PRKN: variants seen among roughly 807,000 people sequenced by gnomAD.
PRKN encodes parkin RBR E3 ubiquitin protein ligase.
Under a neutral mutation model 59.5 loss-of-function variants are expected in PRKN, and 56 were observed. That is an observed-to-expected ratio of 0.94 (90% CI 0.76 to 1.18). The LOEUF (loss-of-function observed/expected upper bound fraction) is 1.18, where lower values mean the gene tolerates loss of function less well. Ranked by LOEUF, PRKN falls within the 50% of genes most tolerant of loss-of-function variation. The pLI is 0.00. For synonymous variants in PRKN, 250 were observed against 222.1 expected, an observed-to-expected ratio of 1.13 and a Z score of -1.12; for missense variants, 657 against 596.4, an observed-to-expected ratio of 1.10 and a Z score of -1.06.
At chr6:162,563,425 C>T (rs1243898568) in intron 1 of PRKN, among the ~76,000 whole-genome samples, 1 of 152,200 alleles carries the variant, frequency 6.6e-6, no homozygotes, top group African/African-American at 2.4e-5. Flanking sequence ...AAAGCAGCAC[C>T]TCTATGAGTC....
Position 161,369,360 on chromosome 6 carries a change from C to A in PRKN, c.1168-9155G>T, listed in dbSNP as rs143235417. ...TCCCTAAAAATGCCCTAAGGGGTTG[C>A]GAGGGGCGGGAGGTTTGGGAACCAT... On this transcript the variant is annotated intron_variant, in intron 10 of 11. Coordinates refer to ENST00000366898, the MANE Select transcript of PRKN (RefSeq NM_004562.3). This position sits in a 1 kb window ranked among gnomAD's most constrained non-coding sequence, Gnocchi z 5.8. 6.6e-6 allele frequency among the ~76,000 whole-genome samples: 1 copy of A among 152,156 alleles called. No individual in the cohort carries two copies. The highest frequency in any genetic ancestry group is 6.5e-5 in the Admixed American group (1 of 15,292).
intron 1 of PRKN, among the ~76,000 whole-genome samples, chr6:162,635,162 G>C (rs1452601737): frequency 1.3e-5 from 2 of 152,152 alleles, no homozygotes; most frequent in African/African-American, 4.8e-5. Context: ...ACACACAACA[G>C]CTCACGGGGT....
chr6:161,807,644 C>T (rs1052390585), intron 6 of PRKN, among the ~76,000 whole-genome samples: 71 of 152,150 alleles, frequency 4.7e-4, no homozygotes, highest in Non-Finnish European at 2.1e-4. Flanking sequence ...CTTGGAGATG[C>T]CTCCCTCCAG....
intron 4 of PRKN, among the ~76,000 whole-genome samples, chr6:162,094,879 C>G (rs541756516): frequency 1.1e-4 from 17 of 152,150 alleles, no homozygotes; most frequent in African/African-American, 4.1e-4. Context: ...CATTATGAAG[C>G]CTTCTATTTT....
chr6:162,194,744 C>G (rs1419851670), intron 4 of PRKN, among the ~76,000 whole-genome samples: 1 of 151,732 alleles, frequency 6.6e-6, no homozygotes, highest in Admixed American at 6.6e-5. Flanking sequence ...TTTATTTTTA[C>G]CTTAACCTGG....
chr6:162,075,531 C>CA (rs1472369466), intron 4 of PRKN, among the ~76,000 whole-genome samples: 1 of 152,006 alleles, frequency 6.6e-6, no homozygotes, highest in African/African-American at 2.4e-5. Context: ...AAAAAGTCCA[C>CA]ATTGTATTTA....
chr6:161,488,142 G>T lies in PRKN; in HGVS notation c.1083+60712C>A, dbSNP rs79913097. On this transcript the variant is annotated intron_variant, in intron 9 of 11. Transcript: ENST00000366898. This position sits in a 1 kb window ranked among gnomAD's most constrained non-coding sequence, Gnocchi z 4.5. Reference sequence around the variant, plus strand: ...TCTAAGCAGGCCTCTCCTGGGAGGGGACACCTGTTTAGAGGGCTAAATGAA... The same window carrying T: ...TCTAAGCAGGCCTCTCCTGGGAGGGTACACCTGTTTAGAGGGCTAAATGAA... 6.6e-5 allele frequency among the ~76,000 whole-genome samples: 10 copies of T among 152,302 alleles called. No homozygotes were observed. The East Asian group carries it at 1.9e-3, about 29-fold the overall frequency.
intron 1 of PRKN, among the ~76,000 whole-genome samples, chr6:162,691,892 C>T (rs1334444944): frequency 6.6e-6 from 1 of 151,936 alleles, no homozygotes; most frequent in African/African-American, 2.4e-5. Flanking sequence ...ATACGTTGGG[C>T]TATTTCAATG....
At chr6:161,963,026 C>T (rs569200622) in intron 6 of PRKN, among the ~76,000 whole-genome samples, 1 of 152,194 alleles carries the variant, frequency 6.6e-6, no homozygotes, top group East Asian at 2.0e-4. Context: ...GCCTTTAATC[C>T]CAGCTACTCA....
At chr6:162,223,697 C>T (rs1477797566) in intron 3 of PRKN, among the ~76,000 whole-genome samples, 1 of 150,196 alleles carries the variant, frequency 6.7e-6, no homozygotes, top group Admixed American at 6.6e-5. Flanking sequence ...GTATACCTTT[C>T]TACAAATACA....
chr6:162,262,477 T>TAAAC lies in PRKN; in HGVS notation c.412+44_412+47dup, dbSNP rs754927639. 13 of 1,612,342 alleles carry TAAAC rather than the reference T, an allele frequency of 8.1e-6. No homozygotes were observed. The East Asian group carries it at 1.1e-4, about 14-fold the overall frequency. The stretch of plus-strand genomic sequence containing the variant: ...AGGCCATGCTCCATGCAGACTGCAC[T>TAAAC]AAACAAACAAACAAAATGCTTTAAT... On this transcript the variant is annotated intron_variant, in intron 3 of 11. Coordinates refer to ENST00000366898, the MANE Select transcript of PRKN (RefSeq NM_004562.3).
intron 9 of PRKN, among the ~76,000 whole-genome samples, chr6:161,535,387 A>C (rs1779375697): frequency 6.6e-6 from 1 of 152,246 alleles, no homozygotes; most frequent in African/African-American, 2.4e-5. Flanking sequence ...TCATGCCAGA[A>C]GACTTTTTTC....
chr6:161,799,528 A>G (rs1305086818), intron 6 of PRKN, among the ~76,000 whole-genome samples: 1 of 152,242 alleles, frequency 6.6e-6, no homozygotes, highest in East Asian at 1.9e-4. Flanking sequence ...CGACTTCCAC[A>G]TAATGGAAAG....
Position 161,419,699 on chromosome 6 carries a change from T to C in PRKN, c.1084-32822A>G, listed in dbSNP as rs1055505569. 6.6e-6 allele frequency among the ~76,000 whole-genome samples: 1 copy of C among 151,926 alleles called. No homozygotes were observed. The highest frequency in any genetic ancestry group is 2.4e-5 in the African/African-American group (1 of 41,374). On this transcript the variant is annotated intron_variant, in intron 9 of 11. Transcript: ENST00000366898. This position sits in a 1 kb window ranked among gnomAD's most constrained non-coding sequence, Gnocchi z 4.1. ...CACCACGCCCAGCCTCCTCTGACTT[T>C]TGTAAGGGAAATAATTAGATTCTGC...
chr6:162,555,978 T>A (rs1245948604), intron 1 of PRKN, among the ~76,000 whole-genome samples: 1 of 41,404 alleles, frequency 2.4e-5, no homozygotes, highest in African/African-American at 6.6e-5. Context: ...CGAAACTCCA[T>A]CTCAAAAAAA....
Position 162,646,151 on chromosome 6 carries a change from T to C in PRKN, c.7+81511A>G, listed in dbSNP as rs150444391. Reference sequence around the variant, plus strand: ...CCTCCCAAAGTGCTGGGATTACAGGTGTGAGCCACCACACCCGGCCTAAAC... The same window carrying C: ...CCTCCCAAAGTGCTGGGATTACAGGCGTGAGCCACCACACCCGGCCTAAAC... On this transcript the variant is annotated intron_variant, in intron 1 of 11. Transcript: ENST00000366898. Among the ~76,000 whole-genome samples the C allele has an allele frequency of 8.3e-4, 126 of 151,910 alleles. 2 individuals carry two copies. In the East Asian group the frequency reaches 0.02, roughly 24 times the overall value.
chr6:162,595,638 A>G (rs537468709), intron 1 of PRKN, among the ~76,000 whole-genome samples: 1 of 152,178 alleles, frequency 6.6e-6, no homozygotes, highest in South Asian at 2.1e-4. Context: ...GCTCTATTTG[A>G]ATAATTTTAG....
intron 6 of PRKN, among the ~76,000 whole-genome samples, chr6:161,835,725 C>T (rs774012472): frequency 6.6e-6 from 1 of 152,212 alleles, no homozygotes; most frequent in Non-Finnish European, 1.5e-5. Context: ...TTTCTTCTAT[C>T]AGCCGGCAGC....
intron 1 of PRKN, among the ~76,000 whole-genome samples, chr6:162,660,472 G>C (rs1186547414): frequency 3.3e-5 from 5 of 152,110 alleles, no homozygotes; most frequent in Admixed American, 2.0e-4. Context: ...AATGTGAACT[G>C]ATCCTTCAAA....
Sources: allele counts gnomAD v4.1 joint callset (sites outside exome capture counted in the v4.1 genomes callset), GRCh38; gene constraint gnomAD v4.1.1; non-coding constraint Gnocchi (gnomAD v3.1); transcripts MANE v1.5; gene names NCBI Gene and HGNC (gene_info 2026-07-23, HGNC 2026-07-21).